Variants in EFEMP1 observed in about 807,000 individuals in gnomAD.
EFEMP1 encodes EGF-like fibulin extracellular matrix protein 1.
EFEMP1 carries 18 observed loss-of-function variants against 65.7 expected under a neutral mutation model. The observed-to-expected ratio is 0.27, with a 90% CI of 0.19 to 0.41. EFEMP1 has a LOEUF of 0.41. Among genes scored for constraint, EFEMP1 ranks in the 10% least tolerant of loss-of-function variants. The pLI, the probability that EFEMP1 is intolerant of heterozygous loss-of-function variation, is 1.00. For synonymous variants in EFEMP1, 237 were observed against 219.7 expected, an observed-to-expected ratio of 1.08 and a Z score of -0.70; for missense variants, 469 against 624.8, an observed-to-expected ratio of 0.75 and a Z score of 2.66.
intron 5 of EFEMP1, among the ~76,000 whole-genome samples, chr2:55,908,658 A>G (rs529278753): frequency 6.6e-6 from 1 of 152,330 alleles, no homozygotes; most frequent in African/African-American, 2.4e-5. Context: ...CCCATAGTGT[A>G]TACATATATC....
At chr2:55,904,405 A>G (rs963074009) in intron 5 of EFEMP1, among the ~76,000 whole-genome samples, 2 of 152,182 alleles carry the variant, frequency 1.3e-5, no homozygotes, top group Admixed American at 6.5e-5. Flanking sequence ...TGTCAACTTG[A>G]CTGGGCTAAG....
At chr2:55,912,569 C>T (rs1159402371) in intron 5 of EFEMP1, among the ~76,000 whole-genome samples, 1 of 151,844 alleles carries the variant, frequency 6.6e-6, no homozygotes, top group Non-Finnish European at 1.5e-5. Flanking sequence ...GTTTAGTTAC[C>T]CTTATGTTTA....
chr2:55,904,008 A>AGG (rs1225154873), intron 5 of EFEMP1, among the ~76,000 whole-genome samples: 1 of 152,082 alleles, frequency 6.6e-6, no homozygotes, highest in Non-Finnish European at 1.5e-5. Context: ...TCAGGGTAAG[A>AGG]AGCAGCGCCT....
chr2:55,875,096 A>G (rs777636747), intron 8 of EFEMP1, 31 bp from the exon 9 acceptor site: 1 of 1,552,662 alleles, frequency 6.4e-7, no homozygotes. Context: ...AAGGACACAG[A>G]GTTGAAAAGT....
At chr2:55,879,081 C>T (rs1030582179) in intron 6 of EFEMP1, among the ~76,000 whole-genome samples, 1 of 152,142 alleles carries the variant, frequency 6.6e-6, no homozygotes, top group East Asian at 1.9e-4. Context: ...TATTCCCTTA[C>T]CTTGCTTTAG....
At chr2:55,910,206 T>C (rs902815636) in intron 5 of EFEMP1, among the ~76,000 whole-genome samples, 1 of 152,198 alleles carries the variant, frequency 6.6e-6, no homozygotes, top group Non-Finnish European at 1.5e-5. Flanking sequence ...ATTCACTTCA[T>C]TTTTATTAAA....
chr2:55,903,099 T>A (rs1055754299), intron 5 of EFEMP1, among the ~76,000 whole-genome samples: 1 of 152,214 alleles, frequency 6.6e-6, no homozygotes, highest in Non-Finnish European at 1.5e-5. Context: ...AAGACCCAAA[T>A]GGGAACTTTT....
In EFEMP1 at chr2:55,866,298, T is replaced by C. The variant is rs1668573655; in HGVS notation, c.*775A>G. The C allele has an allele frequency of 6.6e-6, 1 of 152,228 alleles. No individual in the cohort carries two copies. The highest frequency in any genetic ancestry group is 1.5e-5 in the Non-Finnish European group (1 of 68,044). The allele number at this position is 152,228 out of a possible 1,614,324, so 9.4% of individuals were successfully genotyped here. The stretch of plus-strand genomic sequence containing the variant: ...GGAAGTCCTGAATTCAGGGATGTTA[T>C]TATATTTTCCGAGTTTGCTTCTTCA... On this transcript the variant is annotated 3_prime_UTR_variant, in exon 12 of 12. Transcript: ENST00000355426.
rs1271092723 is a variant in EFEMP1, at chr2:55,923,054, A to T, written c.-48-115T>A. The T allele has an allele frequency of 1.4e-6, 1 of 706,436 alleles. No individual in the cohort carries two copies. Among genetic ancestry groups the T allele is most frequent in the African/African-American group, 1.9e-5 (1 of 51,686 alleles). The allele number at this position is 706,436 out of a possible 1,614,324, so 43.8% of individuals were successfully genotyped here. ...CTAGTAGAATACTAGACCTTCTCAC[A>T]TGTCTCAGAGCTTCTCACATCCCCC... is the stretch of plus-strand genomic sequence containing the variant. On this transcript the variant is annotated intron_variant, in intron 1 of 11. Coordinates refer to ENST00000355426, the MANE Select transcript of EFEMP1 (RefSeq NM_001039348.3). The surrounding 1 kb of genome is among the most constrained non-coding windows in gnomAD (Gnocchi z 5.3).
intron 5 of EFEMP1, among the ~76,000 whole-genome samples, chr2:55,901,371 C>G (rs1250763449): frequency 6.6e-6 from 1 of 152,060 alleles, no homozygotes; most frequent in East Asian, 1.9e-4. Context: ...AGACTTTAAA[C>G]TAGTTTTAAA....
intron 5 of EFEMP1, among the ~76,000 whole-genome samples, chr2:55,892,120 C>A (rs1331431325): frequency 1.3e-5 from 2 of 152,076 alleles, no homozygotes; most frequent in Admixed American, 6.6e-5. Context: ...AAACTTCTGA[C>A]CCTGTGAGTG....
At chr2:55,881,870 A>T (rs1669256524) in intron 5 of EFEMP1, 136 bp from the exon 6 acceptor site, 3 of 1,160,292 alleles carry the variant, frequency 2.6e-6, no homozygotes, top group Admixed American at 1.8e-5. Flanking sequence ...AAATGTTTAA[A>T]ATTATAAATT....
intron 5 of EFEMP1, among the ~76,000 whole-genome samples, chr2:55,888,413 C>A (rs1390689008): frequency 1.4e-5 from 2 of 142,342 alleles, no homozygotes; most frequent in Non-Finnish European, 3.0e-5. Context: ...TCTTGGCTCA[C>A]TGAAACCTCC....
chr2:55,898,505 C>A (rs1368330670), intron 5 of EFEMP1, among the ~76,000 whole-genome samples: 1 of 152,114 alleles, frequency 6.6e-6, no homozygotes. Context: ...TAATGCAATT[C>A]TTTCTTTAAA....
intron 11 of EFEMP1, among the ~76,000 whole-genome samples, chr2:55,868,230 G>A (rs1332083149): frequency 6.6e-6 from 1 of 152,164 alleles, no homozygotes; most frequent in Non-Finnish European, 1.5e-5. Flanking sequence ...ACACCTTGAA[G>A]GTGTTGATTG....
chr2:55,913,026 A>T (rs1280387087), intron 5 of EFEMP1, among the ~76,000 whole-genome samples: 2 of 152,202 alleles, frequency 1.3e-5, no homozygotes, highest in African/African-American at 4.8e-5. Context: ...GCAAAGAAAG[A>T]CTCTGTCCAA....
In EFEMP1 at chr2:55,883,941, CT is replaced by C. The variant is rs1669335756; in HGVS notation, c.518-2208del. On this transcript the variant is annotated intron_variant, in intron 5 of 11. Coordinates refer to ENST00000355426, the MANE Select transcript of EFEMP1 (RefSeq NM_001039348.3). The surrounding 1 kb of genome is among the most constrained non-coding windows in gnomAD (Gnocchi z 4.5). Reference sequence around the variant, plus strand: ...AATACCACTGTGCTCACTGCCACTACTTTCCTTCCCTTTCTCCACCAACACC... The same window carrying C: ...AATACCACTGTGCTCACTGCCACTACTTCCTTCCCTTTCTCCACCAACACC... Among the ~76,000 whole-genome samples the C allele has an allele frequency of 6.6e-6, 1 of 152,170 alleles. No individual in the cohort carries two copies. Among genetic ancestry groups the C allele is most frequent in the Non-Finnish European group, 1.5e-5 (1 of 68,028 alleles).
Position 55,873,065 on chromosome 2 carries a change from T to C in EFEMP1, c.1000+1881A>G, listed in dbSNP as rs867678752. On this transcript the variant is annotated intron_variant, in intron 9 of 11. Coordinates refer to ENST00000355426, the MANE Select transcript of EFEMP1 (RefSeq NM_001039348.3). The surrounding 1 kb of genome is among the most constrained non-coding windows in gnomAD (Gnocchi z 4.6). ...ATTCTTTTGTCTCTCTGTCTCTCTC[T>C]CCACACACACACACACACACACACA... Among the ~76,000 whole-genome samples the C allele has an allele frequency of 4.0e-5, 2 of 50,346 alleles. No individual in the cohort carries two copies. Among genetic ancestry groups the C allele is most frequent in the Non-Finnish European group, 7.5e-5 (2 of 26,792 alleles). 33.0% of individuals were successfully genotyped at this position (50,346 alleles called of 152,430 possible).
chr2:55,912,204 A>G (rs1670504515), intron 5 of EFEMP1, among the ~76,000 whole-genome samples: 1 of 152,120 alleles, frequency 6.6e-6, no homozygotes, highest in African/African-American at 2.4e-5. Context: ...CTTTTGCAAA[A>G]TATCTATTTT....
Sources: allele counts gnomAD v4.1 joint callset (sites outside exome capture counted in the v4.1 genomes callset), GRCh38; gene constraint gnomAD v4.1.1; non-coding constraint Gnocchi (gnomAD v3.1); transcripts MANE v1.5; gene names NCBI Gene and HGNC (gene_info 2026-07-23, HGNC 2026-07-21).